TMEM175: variants seen among roughly 807,000 people sequenced by gnomAD.
TMEM175 encodes the protein endosomal/lysosomal proton channel TMEM175.
A neutral mutation model predicts 36.5 loss-of-function variants in TMEM175; 36 were observed. That is an observed-to-expected ratio of 0.99 (90% CI 0.76 to 1.30). The LOEUF (loss-of-function observed/expected upper bound fraction) is 1.30. Among genes scored for constraint, TMEM175 ranks in the 50% most tolerant of loss-of-function variants. The pLI is 0.00. For missense variants in TMEM175, 705 were observed against 692.8 expected, an observed-to-expected ratio of 1.02 and a Z score of -0.20; for synonymous variants, 339 against 313.4, an observed-to-expected ratio of 1.08 and a Z score of -0.86.
intron 1 of TMEM175, among the ~76,000 whole-genome samples, chr4:944,549 C>T (rs957850695): frequency 3.9e-5 from 6 of 151,988 alleles, no homozygotes; most frequent in African/African-American, 1.5e-4. Context: ...TGGAAGTTGG[C>T]GAACATTGTT....
intron 1 of TMEM175, among the ~76,000 whole-genome samples, chr4:934,811 G>T (rs1408586248): frequency 1.3e-5 from 2 of 152,296 alleles, no homozygotes; most frequent in Admixed American, 6.5e-5. Flanking sequence ...TAGAACATAG[G>T]AGGGGAATGA....
chr4:936,856 C>G (rs1281364460), intron 1 of TMEM175, among the ~76,000 whole-genome samples: 2 of 152,014 alleles, frequency 1.3e-5, no homozygotes, highest in South Asian at 2.1e-4. Flanking sequence ...ACTTGGGAGG[C>G]TGAGGCAGGA....
At chr4:949,790 T>G (rs1728636532) in intron 3 of TMEM175, among the ~76,000 whole-genome samples, 1 of 143,690 alleles carries the variant, frequency 7.0e-6, no homozygotes, top group Non-Finnish European at 1.5e-5. Flanking sequence ...CCCTCGCAGC[T>G]TCCACAGAGA....
At chr4:937,879 C>T (rs1726970256) in intron 1 of TMEM175, among the ~76,000 whole-genome samples, 1 of 151,968 alleles carries the variant, frequency 6.6e-6, no homozygotes, top group African/African-American at 2.4e-5. Flanking sequence ...GCAAAGTTGG[C>T]TTAGCATTTG....
chr4:952,577 G>GTT, intron 7 of TMEM175, 127 bp downstream of exon 7: 1 of 872,994 alleles, frequency 1.1e-6, no homozygotes, highest in Non-Finnish European at 1.8e-6. Flanking sequence ...GTGTGTGTGT[G>GTT]TGTGTGTGTG....
At position 951,826 on chromosome 4, in the gene TMEM175, T is replaced by C. The variant is rs1728926900; in HGVS notation, c.378+109T>C. ...ATGGCCCAGGGCCCAGGCCACACGG[T>C]TGTAGAGAAGAGAGAAGGTTCTGGG... On this transcript the variant is annotated intron_variant, in intron 6 of 10. Coordinates refer to ENST00000264771, the MANE Select transcript of TMEM175 (RefSeq NM_032326.4). 17 of 1,226,966 alleles carry C rather than the reference T, an allele frequency of 1.4e-5. No homozygotes were observed. In the South Asian group the frequency reaches 1.8e-4, roughly 13 times the overall value. 76.0% of individuals were successfully genotyped at this position (1,226,966 alleles called of 1,614,324 possible). A position where few individuals can be genotyped will look rare whatever the true frequency, so the allele number is the denominator to read the frequency against.
intron 8 of TMEM175, among the ~76,000 whole-genome samples, chr4:954,969 T>C (rs1431660500): frequency 6.6e-6 from 1 of 152,158 alleles, no homozygotes; most frequent in Non-Finnish European, 1.5e-5. Context: ...GTTGTAAGAA[T>C]TTCAGATAGG....
At chr4:938,745 G>T (rs1727093986) in intron 1 of TMEM175, among the ~76,000 whole-genome samples, 1 of 152,136 alleles carries the variant, frequency 6.6e-6, no homozygotes, top group Admixed American at 6.5e-5. Flanking sequence ...TTAGCTGAGA[G>T]AAATTAAAGC....
intron 5 of TMEM175, 114 bp downstream of exon 5, chr4:951,372 C>A (rs953919059): frequency 1.6e-6 from 2 of 1,239,438 alleles, no homozygotes; most frequent in Admixed American, 1.8e-5. Flanking sequence ...AGTCTCGGAG[C>A]CTGGAATCTG....
chr4:950,433 A>C lies in TMEM175; in HGVS notation c.205A>C (p.Ser69Arg). 1.9e-6 allele frequency: 3 copies of C among 1,613,732 alleles called. No individual in the cohort carries two copies. The highest frequency in any genetic ancestry group is 2.5e-6 in the Non-Finnish European group (3 of 1,179,672). ...EISPEQQFDR[S>R]VQRLLATRIA... Reference sequence around the variant, plus strand: ...TCTTGTATTCCAGCAGTTCGACAGAAGTGTACAGAGGCTTCTGGCAACACG... The same window carrying C: ...TCTTGTATTCCAGCAGTTCGACAGACGTGTACAGAGGCTTCTGGCAACACG... The change falls in exon 4 of 11, where the codon AGT becomes CGT. Residue 69 changes from serine to arginine, a missense_variant. Physicochemically the swap from Ser to Arg is moderately radical, Grantham distance 110 (BLOSUM62 -1). Transcript: ENST00000264771.
At chr4:952,673 T>A (rs1729087553) in intron 7 of TMEM175, among the ~76,000 whole-genome samples, 1 of 137,092 alleles carries the variant, frequency 7.3e-6, no homozygotes, top group Admixed American at 7.3e-5. Flanking sequence ...CCATCAGTGC[T>A]CTTGGGGCCC....
intron 10 of TMEM175, chr4:956,312 C>T (rs893816946): frequency 2.9e-5 from 37 of 1,280,884 alleles, no homozygotes; most frequent in African/African-American, 6.2e-5. Context: ...CCCATCGCTT[C>T]GCAGCCCCTC....
chr4:950,620 C>A (rs1728748291), intron 4 of TMEM175, 102 bp downstream of exon 4: 2 of 873,346 alleles, frequency 2.3e-6, no homozygotes, highest in South Asian at 1.5e-5. Context: ...GGACAGCAGG[C>A]TACTCCTCCC....
intron 1 of TMEM175, chr4:946,198 G>C (rs574966170): frequency 6.6e-6 from 1 of 152,378 alleles, no homozygotes; most frequent in Non-Finnish European, 1.5e-5. Context: ...CCCACATGCT[G>C]TGTGTCTCCT....
At chr4:946,219 A>C (rs56664216) in intron 1 of TMEM175, 8,229 of 152,210 alleles carry the variant, frequency 0.054, 340 homozygotes, top group Middle Eastern at 0.13. Flanking sequence ...GGGATGCCAG[A>C]CCTCCGTCAC....
intron 1 of TMEM175, among the ~76,000 whole-genome samples, chr4:942,734 G>A (rs1421691146): frequency 1.3e-5 from 2 of 151,662 alleles, no homozygotes; most frequent in Non-Finnish European, 1.5e-5. Context: ...TCGCCTCCCA[G>A]GTTCAAGCGA....
At chr4:950,175 G>C (rs1194277299) in intron 3 of TMEM175, among the ~76,000 whole-genome samples, 1 of 151,984 alleles carries the variant, frequency 6.6e-6, no homozygotes, top group South Asian at 2.1e-4. Flanking sequence ...AAGGGGTGGG[G>C]GCTGGAGGGG....
intron 3 of TMEM175, among the ~76,000 whole-genome samples, chr4:949,555 A>T (rs1237628937): frequency 6.6e-6 from 1 of 152,226 alleles, no homozygotes; most frequent in East Asian, 1.9e-4. Context: ...TTGAAAACCC[A>T]TGATTCGAAA....
At chr4:945,272 C>G (rs1450526228) in intron 1 of TMEM175, among the ~76,000 whole-genome samples, 1 of 146,510 alleles carries the variant, frequency 6.8e-6, no homozygotes, top group Non-Finnish European at 1.5e-5. Flanking sequence ...ACATTCCTGC[C>G]TCAGTTTCTG....
Sources: allele counts gnomAD v4.1 joint callset (sites outside exome capture counted in the v4.1 genomes callset), GRCh38; gene constraint gnomAD v4.1.1; transcripts MANE v1.5; gene names NCBI Gene and HGNC (gene_info 2026-07-23, HGNC 2026-07-21).